DSC2: variants seen among roughly 807,000 people sequenced by gnomAD.
DSC2 encodes desmocollin-2.
In DSC2, 51 loss-of-function variants were observed where a neutral mutation model predicts 87.6. The observed-to-expected ratio is 0.58, with a 90% CI of 0.46 to 0.74. The LOEUF is 0.74. DSC2 is among the 30% of genes least tolerant of loss of function. The pLI, the probability that DSC2 is intolerant of heterozygous loss-of-function variation, is 0.00. For missense variants in DSC2, 1,066 were observed against 1,089.5 expected (o/e 0.98, Z 0.30); for synonymous variants, 383 against 393.2 (o/e 0.97, Z 0.31).
At chr18:31,079,244 G>GTTTTGT (rs780500883) in intron 11 of DSC2, among the ~76,000 whole-genome samples, 9 of 151,956 alleles carry the variant, frequency 5.9e-5, no homozygotes, top group Non-Finnish European at 7.4e-5. Context: ...TTTTGTTTTT[G>GTTTTGT]TTTTGTTTTT....
chr18:31,091,263 T>C (rs907127148), intron 3 of DSC2, 116 bp from the exon 4 acceptor site: 17 of 1,301,144 alleles, frequency 1.3e-5, no homozygotes, highest in Non-Finnish European at 1.5e-5. Context: ...GGTGAGACCA[T>C]GGGAGTGCTT....
At chr18:31,089,675 C>A in intron 4 of DSC2, 81 bp from the exon 5 acceptor site, 1 of 1,359,836 alleles carries the variant, frequency 7.4e-7, no homozygotes, top group South Asian at 1.3e-5. Flanking sequence ...AATCTCATTG[C>A]CATTTTATTA....
chr18:31,072,705 G>A (rs1370438245), intron 12 of DSC2, among the ~76,000 whole-genome samples: 1 of 152,116 alleles, frequency 6.6e-6, no homozygotes, highest in African/African-American at 2.4e-5. Context: ...TACTCTAAAT[G>A]CAGATACCAG....
In DSC2 at chr18:31,086,565, G is replaced by C. The variant is rs772463979; in HGVS notation, c.942+11C>G. 2 of 1,613,990 alleles carry C rather than the reference G, an allele frequency of 1.2e-6. No homozygotes were observed. Among genetic ancestry groups the C allele is most frequent in the South Asian group, 2.2e-5 (2 of 91,080 alleles). ...CACGTTATAATCAGGTTTTATTAAT[G>C]TTTATGTTACCTCTCTGTCTAGCTG... On this transcript the variant is annotated intron_variant, in intron 7 of 15. Coordinates refer to ENST00000280904, the MANE Select transcript of DSC2 (RefSeq NM_024422.6).
rs934586639 is a variant in DSC2 at position 31,065,329 on chromosome 18, T to C, written c.*2686A>G. 1 of 152,224 alleles carries C rather than the reference T, an allele frequency of 6.6e-6. No homozygotes were observed. The highest frequency in any genetic ancestry group is 2.4e-5 in the African/African-American group (1 of 41,462). The allele number at this position is 152,224 out of a possible 1,614,324, so 9.4% of individuals were successfully genotyped here. A position where few individuals can be genotyped will look rare whatever the true frequency, so the allele number is the denominator to read the frequency against. On this transcript the variant is annotated 3_prime_UTR_variant, in exon 16 of 16. Transcript: ENST00000280904. The stretch of plus-strand genomic sequence containing the variant: ...TAAATTGTTCCCAACTCAGGCGTTC[T>C]CTGCTCATAGAACAATAGCAGTGGC...
At chr18:31,073,072 A>AAAAG (rs1986885359) in intron 12 of DSC2, among the ~76,000 whole-genome samples, 2 of 152,170 alleles carry the variant, frequency 1.3e-5, no homozygotes, top group Non-Finnish European at 2.9e-5. Flanking sequence ...CACTAAGCTT[A>AAAAG]ACTGACTTCA....
Position 31,101,920 on chromosome 18 carries a change from G to C in DSC2, c.52C>G (p.Leu18Val). ...GSWNGALCRLLLLTLAILIFA... is the reference protein window; with the variant it reads ...GSWNGALCRLVLLTLAILIFA... The stretch of plus-strand genomic sequence containing the variant: ...ACACTCACCGCGAGGGTCAGCAGGA[G>C]CAGCCGGCAGAGGGCTCCGTTCCAG... The change falls in exon 1 of 16, where the codon CTC becomes GTC. Residue 18 changes from leucine to valine, a missense_variant. By Grantham distance (32) the Leu-to-Val change is conservative. Coordinates refer to ENST00000280904, the MANE Select transcript of DSC2 (RefSeq NM_024422.6). 6.5e-7 allele frequency: 1 copy of C among 1,531,454 alleles called. No individual in the cohort carries two copies. The allele number at this position is 1,531,454 out of a possible 1,614,324, so 94.9% of individuals were successfully genotyped here. A position where few individuals can be genotyped will look rare whatever the true frequency, so the allele number is the denominator to read the frequency against.
intron 1 of DSC2, 92 bp downstream of exon 1, chr18:31,101,811 C>T: frequency 7.4e-7 from 1 of 1,344,226 alleles, no homozygotes; most frequent in Non-Finnish European, 1.0e-6. Flanking sequence ...CAGCTTTTCC[C>T]GCCACCCCCA....
In DSC2 at chr18:31,091,085, T is replaced by C; in HGVS notation, c.417A>G (p.Pro139=). ...AGTTTTCTAGCATCGAACAAGGAAT[T>C]GGAGCCCATCTTCTCTTGGCGCGCC... is the stretch of plus-strand genomic sequence containing the variant. ...VLRRAKRRWA[P]IPCSMLENSL... Residue 139 remains proline, a synonymous_variant, in exon 4 of 16, where the codon CCA becomes CCG. Coordinates refer to ENST00000280904, the MANE Select transcript of DSC2 (RefSeq NM_024422.6). 2 of 1,614,084 alleles carry C rather than the reference T, an allele frequency of 1.2e-6. No individual in the cohort carries two copies. The highest frequency in any genetic ancestry group is 2.2e-5 in the East Asian group (1 of 44,864).
At position 31,080,349 on chromosome 18, in the gene DSC2, A is replaced by C. The variant is rs1220101725; in HGVS notation, c.1267T>G (p.Leu423Val). ...ATCTGTTGCTTTTCTTCATAATTCAAAGGCTACGAAAGCAAATGTATTGAA... is the reference window on the plus strand; with the variant it reads ...ATCTGTTGCTTTTCTTCATAATTCACAGGCTACGAAAGCAAATGTATTGAA... ...NEGVLCVVKP[L>V]NYEEKQQMIL... The change falls in exon 10 of 16, where the codon TTG becomes GTG. Residue 423 changes from leucine (L) to valine (V), a missense_variant. Leu to Val is a conservative substitution (Grantham distance 32). Transcript: ENST00000280904. 6.2e-7 allele frequency: 1 copy of C among 1,613,564 alleles called. No homozygotes were observed. Among genetic ancestry groups the C allele is most frequent in the Non-Finnish European group, 8.5e-7 (1 of 1,179,778 alleles).
At chr18:31,101,672 G>T in intron 1 of DSC2, 1 of 538,134 alleles carries the variant, frequency 1.9e-6, no homozygotes, top group Non-Finnish European at 3.2e-6. Context: ...TGAGTGCGCT[G>T]ATTACATCTA....
At position 31,080,220 on chromosome 18, in the gene DSC2, C is replaced by T; in HGVS notation, c.1396G>A (p.Asp466Asn). ...GGAGGGTTACACTCAGGGCCCTCAT[C>T]CTGATCTTCTACATTAACAGTAACT... Reference protein sequence around the residue: ...ATVTVNVEDQDEGPECNPPIQ... With the variant: ...ATVTVNVEDQNEGPECNPPIQ... Residue 466 changes from aspartate (D) to asparagine (N), a missense_variant, in exon 10 of 16, where the codon GAT becomes AAT. Physicochemically the swap from Asp to Asn is conservative, Grantham distance 23. Coordinates refer to ENST00000280904, the MANE Select transcript of DSC2 (RefSeq NM_024422.6). The T allele has an allele frequency of 6.2e-7, 1 of 1,614,068 alleles. No individual in the cohort carries two copies. Among genetic ancestry groups the T allele is most frequent in the Non-Finnish European group, 8.5e-7 (1 of 1,180,002 alleles).
rs1042526473 is a variant in DSC2 at position 31,099,028 on chromosome 18, T to G, written c.69+2875A>C. On this transcript the variant is annotated intron_variant, in intron 1 of 15. Coordinates refer to ENST00000280904, the MANE Select transcript of DSC2 (RefSeq NM_024422.6). The stretch of plus-strand genomic sequence containing the variant: ...AACAGGCATATGGTACTGACATATA[T>G]TGAAATACAGGACACTAAAAGAAAA... Among the ~76,000 whole-genome samples, 3 of 152,158 alleles carry G rather than the reference T, an allele frequency of 2.0e-5. No individual in the cohort carries two copies. In the South Asian group the frequency reaches 6.2e-4, roughly 32 times the overall value.
chr18:31,073,606 G>A (rs1480886801), intron 12 of DSC2, among the ~76,000 whole-genome samples: 1 of 152,086 alleles, frequency 6.6e-6, no homozygotes, highest in Admixed American at 6.6e-5. Context: ...AAAGCATGGG[G>A]CTGAAAAACA....
At chr18:31,068,540 A>G (rs1986708609) in intron 15 of DSC2, among the ~76,000 whole-genome samples, 2 of 152,190 alleles carry the variant, frequency 1.3e-5, no homozygotes, top group Non-Finnish European at 2.9e-5. Context: ...ATATGGGCTC[A>G]GTTCTTCCCA....
chr18:31,082,357 C>T lies in DSC2; in HGVS notation c.1144G>A (p.Asp382Asn). The T allele has an allele frequency of 6.2e-7, 1 of 1,613,888 alleles. No individual in the cohort carries two copies. Among genetic ancestry groups the T allele is most frequent in the Non-Finnish European group, 8.5e-7 (1 of 1,179,968 alleles). Residue 382 changes from aspartate to asparagine, a missense_variant, in exon 9 of 16, where the codon GAC (aspartate) becomes AAC (asparagine). Asp to Asn is a conservative substitution (Grantham distance 23, BLOSUM62 1). Transcript: ENST00000280904. ...EILRVTVEDK[D>N]LVNTANWRAN... ...CTCCAGTTAGCAGTATTCACTAAGTCCTTATCCTCAACAGTAACTCGTAAG... is the reference window on the plus strand; with the variant it reads ...CTCCAGTTAGCAGTATTCACTAAGTTCTTATCCTCAACAGTAACTCGTAAG...
chr18:31,095,649 A>G (rs1987739785), intron 1 of DSC2, among the ~76,000 whole-genome samples: 1 of 152,186 alleles, frequency 6.6e-6, no homozygotes. Context: ...TCATGCATGA[A>G]TTCAACAAAT....
rs1461395315 is a variant in DSC2, at chr18:31,101,730, A to G, written c.69+173T>C. 3 of 661,762 alleles carry G rather than the reference A, an allele frequency of 4.5e-6. No homozygotes were observed. The Admixed American group carries it at 7.6e-5, about 17-fold the overall frequency. The allele number at this position is 661,762 out of a possible 1,614,324, so 41.0% of individuals were successfully genotyped here. A position where few individuals can be genotyped will look rare whatever the true frequency, so the allele number is the denominator to read the frequency against. On this transcript the variant is annotated intron_variant, in intron 1 of 15. Transcript: ENST00000280904. ...TGGGGATCCCAACTCTCAGGTCGCG[A>G]TCCTCTTCCTATCTGCCCTCCCCCA...
At chr18:31,086,426 G>A (rs1987395824) in intron 7 of DSC2, 150 bp downstream of exon 7, 1 of 942,256 alleles carries the variant, frequency 1.1e-6, no homozygotes, top group South Asian at 1.5e-5. Context: ...ATACTCCAAG[G>A]TTATTTAGTG....
Sources: allele counts gnomAD v4.1 joint callset (sites outside exome capture counted in the v4.1 genomes callset), GRCh38; gene constraint gnomAD v4.1.1; transcripts MANE v1.5; gene names NCBI Gene and HGNC (gene_info 2026-07-23, HGNC 2026-07-21).